The following NELL1 variants were observed in gnomAD, a reference collection of about 807,000 sequenced individuals.
The protein encoded by NELL1 is neural EGFL like 1.
In NELL1, 76 loss-of-function variants were observed where a neutral mutation model predicts 107.4. The ratio of observed to expected loss-of-function variants is 0.71; its 90% CI spans 0.59 to 0.86. The LOEUF (loss-of-function observed/expected upper bound fraction) is 0.86. Ranked by LOEUF, NELL1 falls within the 40% of genes least tolerant of loss-of-function variation. The pLI is 0.00. For missense variants in NELL1, 1,024 were observed against 1,005.5 expected (o/e 1.02, Z -0.25); for synonymous variants, 353 against 341.2 (o/e 1.03, Z -0.38).
chr11:21,493,933 C>T (rs1385352280), intron 15 of NELL1, among the ~76,000 whole-genome samples: 1 of 151,666 alleles, frequency 6.6e-6, no homozygotes, highest in South Asian at 2.1e-4. Context: ...TCACAATTTA[C>T]TCCTTTCCCT....
intron 12 of NELL1, among the ~76,000 whole-genome samples, chr11:21,031,065 G>A (rs1852943713): frequency 6.6e-6 from 1 of 152,020 alleles, no homozygotes; most frequent in Non-Finnish European, 1.5e-5. Context: ...AATAAAAAGG[G>A]TATTATACTT....
intron 14 of NELL1, among the ~76,000 whole-genome samples, chr11:21,295,238 A>C (rs989427342): frequency 6.6e-6 from 1 of 152,104 alleles, no homozygotes; most frequent in African/African-American, 2.4e-5. Flanking sequence ...AACCAGGATT[A>C]AAACCCAGCC....
intron 15 of NELL1, among the ~76,000 whole-genome samples, chr11:21,401,601 T>A (rs73473030): frequency 0.018 from 2,676 of 151,750 alleles, 59 homozygotes; most frequent in East Asian, 0.065. Context: ...GCTCCAAGGA[T>A]CAGTGAGACT....
chr11:21,471,821 C>T (rs2133887080), intron 15 of NELL1, among the ~76,000 whole-genome samples: 1 of 152,150 alleles, frequency 6.6e-6, no homozygotes, highest in South Asian at 2.1e-4. Flanking sequence ...TACAGACATG[C>T]TTATTATGCA....
chr11:20,929,366 T>G (rs1416767341), intron 9 of NELL1, among the ~76,000 whole-genome samples: 1 of 152,028 alleles, frequency 6.6e-6, no homozygotes, highest in Non-Finnish European at 1.5e-5. Context: ...AAAGTGGGAA[T>G]AGCAGTGAAA....
intron 12 of NELL1, among the ~76,000 whole-genome samples, chr11:21,100,063 C>A (rs1471226831): frequency 6.6e-6 from 1 of 151,644 alleles, no homozygotes; most frequent in Non-Finnish European, 1.5e-5. Context: ...GTTGCCCAGG[C>A]TGGAGTACAA....
chr11:20,989,927 G>A (rs1590507894), intron 12 of NELL1, among the ~76,000 whole-genome samples: 1 of 151,258 alleles, frequency 6.6e-6, no homozygotes, highest in South Asian at 2.1e-4. Context: ...AACCCGGGAG[G>A]CAGAGCTTGC....
chr11:21,329,186 G>C (rs1055354464), intron 14 of NELL1, among the ~76,000 whole-genome samples: 1 of 152,128 alleles, frequency 6.6e-6, no homozygotes, highest in African/African-American at 2.4e-5. Flanking sequence ...TGTTGTAAGA[G>C]GGACCCAGTG....
chr11:20,692,789 A>G (rs1222134005), intron 2 of NELL1, among the ~76,000 whole-genome samples: 1 of 152,144 alleles, frequency 6.6e-6, no homozygotes, highest in African/African-American at 2.4e-5. Flanking sequence ...AGTTCTGTAG[A>G]TGTCTATTAG....
At chr11:21,499,636 G>A (rs539356603) in intron 15 of NELL1, among the ~76,000 whole-genome samples, 1 of 152,052 alleles carries the variant, frequency 6.6e-6, no homozygotes. Flanking sequence ...CAGGAGGAAG[G>A]CTCTCTGTAT....
intron 13 of NELL1, among the ~76,000 whole-genome samples, chr11:21,152,262 T>G (rs1856134986): frequency 6.6e-6 from 1 of 152,172 alleles, no homozygotes. Context: ...GTGTGTACTT[T>G]TAATCTATTT....
At chr11:21,227,970 A>G (rs542601200) in intron 13 of NELL1, among the ~76,000 whole-genome samples, 1 of 152,334 alleles carries the variant, frequency 6.6e-6, no homozygotes, top group Non-Finnish European at 1.5e-5. Flanking sequence ...GGTTTTTCAA[A>G]TGATTGGTAC....
At chr11:21,374,125 C>T (rs1277974977) in intron 15 of NELL1, among the ~76,000 whole-genome samples, 2 of 152,080 alleles carry the variant, frequency 1.3e-5, no homozygotes, top group African/African-American at 4.8e-5. Context: ...AGCAGAAAAT[C>T]ACCCTCTAAG....
At chr11:21,146,779 ATGCC>A (rs1257122330) in intron 13 of NELL1, among the ~76,000 whole-genome samples, 1 of 150,052 alleles carries the variant, frequency 6.7e-6, no homozygotes. Context: ...GCGGTGACTC[ATGCC>A]TGTAATCCCA....
intron 3 of NELL1, among the ~76,000 whole-genome samples, chr11:20,822,848 T>C (rs542611206): frequency 9.2e-5 from 14 of 152,300 alleles, no homozygotes; most frequent in African/African-American, 3.1e-4. Context: ...CAGCTTTGCT[T>C]AAAGACCTTG....
At chr11:20,940,689 G>T (rs1215199717) in intron 10 of NELL1, among the ~76,000 whole-genome samples, 2 of 152,148 alleles carry the variant, frequency 1.3e-5, no homozygotes, top group East Asian at 3.9e-4. Context: ...ACATCATTCT[G>T]CATTCTAAAG....
At chr11:21,373,423 G>T (rs1334307386) in intron 15 of NELL1, among the ~76,000 whole-genome samples, 3 of 152,088 alleles carry the variant, frequency 2.0e-5, no homozygotes, top group Non-Finnish European at 4.4e-5. Flanking sequence ...CTTGTGGCAT[G>T]ATTACACTAA....
intron 15 of NELL1, among the ~76,000 whole-genome samples, chr11:21,407,713 CA>C (rs1355818987): frequency 2.1e-5 from 3 of 144,830 alleles, no homozygotes; most frequent in Non-Finnish European, 4.5e-5. Flanking sequence ...TTTTTTACCT[CA>C]TCTCTCATCC....
In NELL1 at chr11:21,445,553, A is replaced by G. The variant is rs112294973; in HGVS notation, c.1645+74605A>G. Among the ~76,000 whole-genome samples the G allele has an allele frequency of 1.1e-3, 161 of 152,228 alleles. 3 individuals carry two copies. Among genetic ancestry groups the G allele is most frequent in the African/African-American group, 3.7e-3 (155 of 41,532 alleles). ...TTTCTCCATGTTGAGGCTGGTCTCG[A>G]ACTCCTGACCTCAGGTGATCCACCC... On this transcript the variant is annotated intron_variant, in intron 15 of 19. Transcript: ENST00000357134.
Sources: allele counts gnomAD v4.1 joint callset (sites outside exome capture counted in the v4.1 genomes callset), GRCh38; gene constraint gnomAD v4.1.1; transcripts MANE v1.5; gene names NCBI Gene and HGNC (gene_info 2026-07-23, HGNC 2026-07-21).